SUGCT: variants seen among roughly 807,000 people sequenced by gnomAD.
SUGCT encodes succinyl-CoA:glutarate-CoA transferase.
SUGCT carries 41 observed loss-of-function variants against 55.0 expected under a neutral mutation model. The observed-to-expected ratio is 0.74, with a 90% CI of 0.58 to 0.97. The LOEUF (loss-of-function observed/expected upper bound fraction) is 0.97, where lower values mean the gene tolerates loss of function less well. Among genes scored for constraint, SUGCT ranks in the 50% least tolerant of loss-of-function variants. The pLI, the probability that SUGCT is intolerant of heterozygous loss-of-function variation, is 0.00. For synonymous variants in SUGCT, 187 were observed against 200.4 expected (o/e 0.93, Z 0.56); for missense variants, 568 against 547.8 (o/e 1.04, Z -0.37).
intron 1 of SUGCT, among the ~76,000 whole-genome samples, chr7:40,164,204 T>C (rs181001341): frequency 1.3e-5 from 2 of 151,920 alleles, no homozygotes; most frequent in East Asian, 3.9e-4. Flanking sequence ...GCTTGCTTAC[T>C]GCAACCTTCT....
intron 9 of SUGCT, among the ~76,000 whole-genome samples, chr7:40,328,044 C>G (rs147360592): frequency 3.7e-4 from 56 of 152,272 alleles, no homozygotes; most frequent in African/African-American, 1.3e-3. Context: ...ACTGTATAGG[C>G]AGATGATACA....
rs944283078 is a variant in SUGCT at position 40,276,395 on chromosome 7, G to C, written c.720+1739G>C. On this transcript the variant is annotated intron_variant, in intron 8 of 13. Coordinates refer to ENST00000335693, the MANE Select transcript of SUGCT (RefSeq NM_001193313.2). Reference sequence around the variant, plus strand: ...TGAAGGTTTCATGGGTGTGTAATCTGTGCAGTCATGGGTAGCCCTGGGCTT... The same window carrying C: ...TGAAGGTTTCATGGGTGTGTAATCTCTGCAGTCATGGGTAGCCCTGGGCTT... Among the ~76,000 whole-genome samples the C allele has an allele frequency of 5.9e-5, 9 of 152,286 alleles. No homozygotes were observed. In the South Asian group the frequency reaches 1.7e-3, roughly 28 times the overall value.
chr7:40,902,534 C>A, the SUGCT span, among the ~76,000 whole-genome samples: 1 of 149,142 alleles, frequency 6.7e-6, no homozygotes, highest in East Asian at 2.0e-4. Context: ...GAGCTGAGAT[C>A]CCGCCACTGC....
At chr7:40,483,590 A>G (rs547824225) in intron 11 of SUGCT, among the ~76,000 whole-genome samples, 1 of 152,164 alleles carries the variant, frequency 6.6e-6, no homozygotes, top group Non-Finnish European at 1.5e-5. Flanking sequence ...TAATTAAAAG[A>G]GAAGCTATAG....
chr7:40,745,100 T>G (rs1787664887), intron 12 of SUGCT, among the ~76,000 whole-genome samples: 1 of 152,216 alleles, frequency 6.6e-6, no homozygotes, highest in Admixed American at 6.5e-5. Flanking sequence ...ATAAGTGCTA[T>G]CGTGTTTGTT....
chr7:40,853,231 T>C (rs1307555655), intron 13 of SUGCT, among the ~76,000 whole-genome samples: 1 of 152,188 alleles, frequency 6.6e-6, no homozygotes, highest in African/African-American at 2.4e-5. Context: ...TATACATACA[T>C]TAATTAATAT....
intron 6 of SUGCT, among the ~76,000 whole-genome samples, chr7:40,227,831 A>C (rs1788468657): frequency 6.6e-6 from 1 of 151,456 alleles, no homozygotes; most frequent in Admixed American, 6.6e-5. Context: ...AAGTAAAAAT[A>C]ATCATAATTC....
At chr7:40,717,113 T>C (rs1335633808) in intron 12 of SUGCT, among the ~76,000 whole-genome samples, 2 of 152,158 alleles carry the variant, frequency 1.3e-5, no homozygotes, top group Admixed American at 6.5e-5. Flanking sequence ...TGACACAAAA[T>C]TTATTTCTTG....
At position 40,752,717 on chromosome 7, in the gene SUGCT, AAATTTCAAAGTTATATGGTGAGGAGC is replaced by A. The variant is rs564413214; in HGVS notation, c.1153+3222_1153+3247del. Among the ~76,000 whole-genome samples, 866 of 152,294 alleles carry A rather than the reference AAATTTCAAAGTTATATGGTGAGGAGC, an allele frequency of 5.7e-3. 4 individuals carry two copies. The highest frequency in any genetic ancestry group is 0.031 in the Middle Eastern group (9 of 294). ...AAATACATGTGACCCTTTCTGAGAG[AAATTTCAAAGTTATATGGTGAGGAGC>A]ATGGGCACAGGGAGAAGTAAATAAT... On this transcript the variant is annotated intron_variant, in intron 13 of 13. Transcript: ENST00000335693.
the SUGCT span, among the ~76,000 whole-genome samples, chr7:40,891,301 T>C: frequency 0.045 from 6,809 of 152,240 alleles, 235 homozygotes; most frequent in Non-Finnish European, 0.067. Context: ...CCAGATCTAC[T>C]AAGTCCAAAG....
chr7:40,270,894 AG>A (rs1422111443), intron 7 of SUGCT, among the ~76,000 whole-genome samples: 1 of 129,816 alleles, frequency 7.7e-6, no homozygotes, highest in Non-Finnish European at 1.7e-5. Flanking sequence ...TTATTTTAAG[AG>A]TATAAGTTTG....
chr7:40,971,462 T>C, the SUGCT span, among the ~76,000 whole-genome samples: 2 of 152,072 alleles, frequency 1.3e-5, no homozygotes, highest in Admixed American at 1.3e-4. Flanking sequence ...GATGAGAACC[T>C]AGATTCAAGC....
chr7:40,320,320 G>A (rs1795660662), intron 9 of SUGCT, among the ~76,000 whole-genome samples: 1 of 152,020 alleles, frequency 6.6e-6, no homozygotes, highest in Non-Finnish European at 1.5e-5. Flanking sequence ...TGGCCAGGAT[G>A]GTCTCGAATG....
chr7:41,012,072 A>T, the SUGCT span, among the ~76,000 whole-genome samples: 4 of 152,104 alleles, frequency 2.6e-5, no homozygotes, highest in Admixed American at 6.5e-5. Context: ...GACAGTTTGA[A>T]CTGGAATCAT....
chr7:40,606,930 G>T (rs1213094746), intron 12 of SUGCT, among the ~76,000 whole-genome samples: 1 of 152,116 alleles, frequency 6.6e-6, no homozygotes, highest in Admixed American at 6.5e-5. Context: ...TTTCGAAGAA[G>T]AATCATCCTT....
intron 1 of SUGCT, chr7:40,153,498 A>C: frequency 2.7e-6 from 1 of 372,342 alleles, no homozygotes; most frequent in Admixed American, 3.3e-5. Flanking sequence ...CTGAAGACGT[A>C]TCACACATTT....
intron 12 of SUGCT, among the ~76,000 whole-genome samples, chr7:40,674,881 A>G (rs564279834): frequency 6.6e-6 from 1 of 152,224 alleles, no homozygotes; most frequent in South Asian, 2.1e-4. Context: ...TCTGCCGTCC[A>G]TGATGCAGAA....
intron 13 of SUGCT, among the ~76,000 whole-genome samples, chr7:40,777,425 A>C (rs754304831): frequency 1.3e-5 from 2 of 151,358 alleles, no homozygotes; most frequent in Non-Finnish European, 2.9e-5. Flanking sequence ...GTGAATGGCC[A>C]CATTCCTATT....
intron 1 of SUGCT, among the ~76,000 whole-genome samples, chr7:40,164,406 G>C (rs533842534): frequency 6.6e-6 from 1 of 152,190 alleles, no homozygotes. Context: ...GGGATTACAG[G>C]CATGAGCCAC....
Sources: allele counts gnomAD v4.1 joint callset (sites outside exome capture counted in the v4.1 genomes callset), GRCh38; gene constraint gnomAD v4.1.1; transcripts MANE v1.5; gene names NCBI Gene and HGNC (gene_info 2026-07-23, HGNC 2026-07-21).